VEPH1: variants seen among roughly 807,000 people sequenced by gnomAD.
VEPH1 encodes ventricular zone-expressed PH domain-containing protein homolog 1.
In VEPH1, 80 loss-of-function variants were observed where a neutral mutation model predicts 85.2. The observed-to-expected ratio is 0.94, with a 90% CI of 0.78 to 1.13. VEPH1 has a LOEUF of 1.13. Ranked by LOEUF, VEPH1 falls within the 50% of genes most tolerant of loss-of-function variation. VEPH1 has a pLI of 0.00. For missense variants in VEPH1, 955 were observed against 980.5 expected (o/e 0.97, Z 0.35); for synonymous variants, 297 against 348.0 (o/e 0.85, Z 1.63).
intron 2 of VEPH1, among the ~76,000 whole-genome samples, chr3:157,493,538 G>A (rs1291841506): frequency 6.6e-6 from 1 of 152,216 alleles, no homozygotes; most frequent in African/African-American, 2.4e-5. Flanking sequence ...TCTGTTCCAT[G>A]AGAGGGTTAC....
At chr3:157,436,391 A>G (rs548190534) in intron 4 of VEPH1, among the ~76,000 whole-genome samples, 1 of 152,284 alleles carries the variant, frequency 6.6e-6, no homozygotes, top group South Asian at 2.1e-4. Context: ...ATGTTGGTTT[A>G]TCTTGGAATC....
chr3:157,460,447 G>A, intron 3 of VEPH1, 92 bp from the exon 4 acceptor site: 8 of 1,430,890 alleles, frequency 5.6e-6, no homozygotes, highest in Non-Finnish European at 6.5e-6. Context: ...ATTGGATTAA[G>A]CTACCAGAGT....
chr3:157,431,344 A>T (rs62278647), intron 4 of VEPH1, among the ~76,000 whole-genome samples: 66,574 of 152,018 alleles, frequency 0.44, 15,063 homozygotes, highest in Admixed American at 0.57. Context: ...GAAAACAGAC[A>T]GATACATCCA....
intron 11 of VEPH1, among the ~76,000 whole-genome samples, chr3:157,289,116 A>G (rs1279254249): frequency 6.6e-6 from 1 of 152,242 alleles, no homozygotes; most frequent in Non-Finnish European, 1.5e-5. Context: ...GATGTTCATA[A>G]GTATCAGTTT....
chr3:157,455,563 C>T lies in VEPH1; in HGVS notation c.529+4618G>A, dbSNP rs187769222. On this transcript the variant is annotated intron_variant, in intron 4 of 13. Transcript: ENST00000362010. ...TACCTGTTAGTTATTTTTCTTGATC[C>T]TCTCCCTTTTCCCACCCTTCACCCT... Among the ~76,000 whole-genome samples, 8 of 152,000 alleles carry T rather than the reference C, an allele frequency of 5.3e-5. No homozygotes were observed. In the East Asian group the frequency reaches 1.5e-3, roughly 29 times the overall value.
chr3:157,352,186 T>A (rs1287888436), intron 9 of VEPH1, among the ~76,000 whole-genome samples: 1 of 152,216 alleles, frequency 6.6e-6, no homozygotes, highest in Non-Finnish European at 1.5e-5. Context: ...CTCCTTACTA[T>A]GACCACTAGG....
chr3:157,276,055 A>G (rs545154124), intron 12 of VEPH1, among the ~76,000 whole-genome samples: 5 of 152,296 alleles, frequency 3.3e-5, no homozygotes, highest in African/African-American at 1.2e-4. Flanking sequence ...TGAGAGTGCA[A>G]TATTTCTCTA....
intron 7 of VEPH1, among the ~76,000 whole-genome samples, chr3:157,372,786 G>A (rs1042329175): frequency 1.3e-5 from 2 of 152,026 alleles, no homozygotes; most frequent in Admixed American, 1.3e-4. Context: ...CTAGAGAAAC[G>A]CAATGAATAA....
At chr3:157,378,463 A>T (rs1008066257) in intron 7 of VEPH1, among the ~76,000 whole-genome samples, 2 of 151,152 alleles carry the variant, frequency 1.3e-5, no homozygotes, top group Non-Finnish European at 2.9e-5. Context: ...TTCTTCTATC[A>T]TCTAGTGGGT....
intron 4 of VEPH1, chr3:157,437,730 T>G: frequency 6.6e-7 from 1 of 1,513,422 alleles, no homozygotes; most frequent in African/African-American, 1.4e-5. Flanking sequence ...TGACCAGTGC[T>G]CTGGACGAGC....
intron 12 of VEPH1, among the ~76,000 whole-genome samples, chr3:157,266,570 G>GAATC (rs1713675782): frequency 6.6e-6 from 1 of 152,110 alleles, no homozygotes; most frequent in African/African-American, 2.4e-5. Flanking sequence ...GTTCTCTGTT[G>GAATC]AATCACCAAG....
chr3:157,391,095 C>T (rs1467929023), intron 6 of VEPH1, among the ~76,000 whole-genome samples: 2 of 152,340 alleles, frequency 1.3e-5, no homozygotes, highest in East Asian at 3.9e-4. Context: ...CTTTGTCACT[C>T]ACACACCCCT....
At chr3:157,467,643 A>T (rs1206958648) in intron 3 of VEPH1, among the ~76,000 whole-genome samples, 2 of 152,234 alleles carry the variant, frequency 1.3e-5, no homozygotes, top group East Asian at 3.8e-4. Context: ...ACTTTGCTGA[A>T]AGCAAGTTTG....
chr3:157,317,391 AATT>A (rs1227870047), intron 9 of VEPH1, among the ~76,000 whole-genome samples, 190 bp from the exon 10 acceptor site: 1 of 152,156 alleles, frequency 6.6e-6, no homozygotes, highest in African/African-American at 2.4e-5. Context: ...AAAGATTTTA[AATT>A]ATTATTATTA....
At chr3:157,482,033 T>C (rs1340167122) in intron 2 of VEPH1, among the ~76,000 whole-genome samples, 1 of 152,204 alleles carries the variant, frequency 6.6e-6, no homozygotes, top group Non-Finnish European at 1.5e-5. Flanking sequence ...GGTCTATGTG[T>C]CTGTTTTTAT....
At chr3:157,385,032 A>G (rs1486539476) in intron 6 of VEPH1, among the ~76,000 whole-genome samples, 1 of 152,200 alleles carries the variant, frequency 6.6e-6, no homozygotes. Context: ...CACCAAGCAT[A>G]TTCTATACTC....
chr3:157,294,480 G>C (rs754651483), intron 11 of VEPH1, among the ~76,000 whole-genome samples: 19 of 152,152 alleles, frequency 1.2e-4, no homozygotes, highest in Middle Eastern at 3.2e-3. Context: ...TGCATATTTA[G>C]CTAACTGTTG....
chr3:157,325,917 T>C (rs565583471), intron 9 of VEPH1, among the ~76,000 whole-genome samples: 1 of 152,364 alleles, frequency 6.6e-6, no homozygotes, highest in South Asian at 2.1e-4. Flanking sequence ...ATAAATTATT[T>C]TGGACAATAT....
chr3:157,363,353 A>C lies in VEPH1; in HGVS notation c.1735+11T>G. On this transcript the variant is annotated intron_variant, in intron 9 of 13. Coordinates refer to ENST00000362010, the MANE Select transcript of VEPH1 (RefSeq NM_001167912.2). The stretch of plus-strand genomic sequence containing the variant: ...GAAGTTTCTCAGGTTTGGGAAGTAC[A>C]CAACACTTACCTTCAATGGTACACT... 1 of 1,574,268 alleles carries C rather than the reference A, an allele frequency of 6.4e-7. No homozygotes were observed. Among genetic ancestry groups the C allele is most frequent in the Non-Finnish European group, 8.6e-7 (1 of 1,165,392 alleles).
Sources: allele counts gnomAD v4.1 joint callset (sites outside exome capture counted in the v4.1 genomes callset), GRCh38; gene constraint gnomAD v4.1.1; transcripts MANE v1.5; gene names NCBI Gene and HGNC (gene_info 2026-07-23, HGNC 2026-07-21).